Variants in SLC41A1 observed in about 807,000 individuals in gnomAD.
The protein encoded by SLC41A1 is solute carrier family 41 (magnesium transporter), member 1.
A neutral mutation model predicts 47.3 loss-of-function variants in SLC41A1; 20 were observed. That is an observed-to-expected ratio of 0.42 (90% CI 0.30 to 0.61). SLC41A1 has a LOEUF of 0.61. Ranked by LOEUF, SLC41A1 falls within the 20% of genes least tolerant of loss-of-function variation. The pLI, the probability that SLC41A1 is intolerant of heterozygous loss-of-function variation, is 0.17. For missense variants in SLC41A1, 504 were observed against 674.1 expected, an observed-to-expected ratio of 0.75 and a Z score of 2.79; for synonymous variants, 282 against 272.7, an observed-to-expected ratio of 1.03 and a Z score of -0.34.
chr1:205,798,902 G>C, intron 5 of SLC41A1, 55 bp downstream of exon 5: 1 of 1,614,140 alleles, frequency 6.2e-7, no homozygotes, highest in South Asian at 1.1e-5. Flanking sequence ...GAAGTGCCAG[G>C]TGCAGTGTTC....
At chr1:205,795,053 G>A in intron 9 of SLC41A1, 35 bp from the exon 10 acceptor site, 1 of 1,611,006 alleles carries the variant, frequency 6.2e-7, no homozygotes, top group South Asian at 1.1e-5. Flanking sequence ...AAAGAGGAGG[G>A]GAGGAGAAGA....
rs201968897 is a variant in SLC41A1, at chr1:205,810,451, G to C, written c.-10C>G. The C allele has an allele frequency of 1.2e-5, 19 of 1,614,068 alleles. No homozygotes were observed. Among genetic ancestry groups the C allele is most frequent in the Admixed American group, 1.7e-5 (1 of 60,010 alleles). On this transcript the variant is annotated 5_prime_UTR_variant, in exon 2 of 11. Transcript: ENST00000367137. This position sits in a 1 kb window ranked among gnomAD's most constrained non-coding sequence, Gnocchi z 5.5. ...CTGGCTTAGAGGACATGACAGGCACGGAGGAGGGGAAGGGAGAACTTTCCT... is the reference window on the plus strand; with the variant it reads ...CTGGCTTAGAGGACATGACAGGCACCGAGGAGGGGAAGGGAGAACTTTCCT...
chr1:205,809,687 C>T (rs562053495), intron 2 of SLC41A1, among the ~76,000 whole-genome samples: 1 of 152,200 alleles, frequency 6.6e-6, no homozygotes, highest in East Asian at 1.9e-4. Context: ...TCCTTGAAAC[C>T]CCAAATGCAG....
In SLC41A1 at chr1:205,801,033, C is replaced by G; in HGVS notation, c.400G>C (p.Glu134Gln). ...QHWEVFQKVT[E>Q]VFILVPALLG... ...AGCGCAGGCACTAGGATGAAGACCT[C>G]TGTCACCTTCTGGAAGACTTCCCAG... Residue 134 changes from glutamate (E) to glutamine (Q), a missense_variant, in exon 3 of 11, where the codon GAG becomes CAG. Physicochemically the swap from Glu to Gln is conservative, Grantham distance 29. Transcript: ENST00000367137. 1 of 1,614,196 alleles carries G rather than the reference C, an allele frequency of 6.2e-7. No homozygotes were observed. The highest frequency in any genetic ancestry group is 8.5e-7 in the Non-Finnish European group (1 of 1,180,016).
In SLC41A1 at chr1:205,798,826, A is replaced by G; in HGVS notation, c.698-11T>C. 1 of 1,614,168 alleles carries G rather than the reference A, an allele frequency of 6.2e-7. No individual in the cohort carries two copies. On this transcript the variant is annotated splice_polypyrimidine_tract_variant and intron_variant, in intron 5 of 10. Transcript: ENST00000367137. ...CAATCATGATCATACCTGGTGAGCAAGTGGGAGGAGGGGCAGGCAGGGTGA... is the reference window on the plus strand; with the variant it reads ...CAATCATGATCATACCTGGTGAGCAGGTGGGAGGAGGGGCAGGCAGGGTGA...
At chr1:205,808,365 T>A (rs1312539459) in intron 2 of SLC41A1, among the ~76,000 whole-genome samples, 1 of 152,162 alleles carries the variant, frequency 6.6e-6, no homozygotes, top group African/African-American at 2.4e-5. Flanking sequence ...ACCTAATCCC[T>A]CTAAGCTACA....
At position 205,790,833 on chromosome 1, in the gene SLC41A1, C is replaced by T. The variant is rs1655608949; in HGVS notation, c.*700G>A. On this transcript the variant is annotated 3_prime_UTR_variant, in exon 11 of 11. Coordinates refer to ENST00000367137, the MANE Select transcript of SLC41A1 (RefSeq NM_173854.6). Reference sequence around the variant, plus strand: ...GAAGAGTGCACTGTTCCATTTTTTCCTGGATATGACAATCAACTGGAAATG... The same window carrying T: ...GAAGAGTGCACTGTTCCATTTTTTCTTGGATATGACAATCAACTGGAAATG... 6.5e-6 allele frequency: 1 copy of T among 153,634 alleles called. No homozygotes were observed. The highest frequency in any genetic ancestry group is 1.4e-5 in the Non-Finnish European group (1 of 69,082). The allele number at this position is 153,634 out of a possible 1,614,324, so 9.5% of individuals were successfully genotyped here.
At position 205,809,923 on chromosome 1, in the gene SLC41A1, G is replaced by A. The variant is rs889104309; in HGVS notation, c.372+147C>T. The stretch of plus-strand genomic sequence containing the variant: ...CTGTAGAAAGGAACTAGACCAAGAA[G>A]AAACCGAGGACATGATCCAAAGGAA... On this transcript the variant is annotated intron_variant, in intron 2 of 10. Transcript: ENST00000367137. 1.6e-5 allele frequency: 20 copies of A among 1,284,882 alleles called. No individual in the cohort carries two copies. The African/African-American group carries it at 2.8e-4, about 18-fold the overall frequency. The allele number at this position is 1,284,882 out of a possible 1,614,324, so 79.6% of individuals were successfully genotyped here.
At chr1:205,805,184 A>G (rs1655987799) in intron 2 of SLC41A1, among the ~76,000 whole-genome samples, 1 of 152,064 alleles carries the variant, frequency 6.6e-6, no homozygotes, top group African/African-American at 2.4e-5. Flanking sequence ...TGGAACCTCA[A>G]ACGACCTGAC....
intron 2 of SLC41A1, among the ~76,000 whole-genome samples, chr1:205,802,986 T>C (rs976125778): frequency 4.6e-5 from 7 of 152,182 alleles, no homozygotes; most frequent in Admixed American, 2.6e-4. Flanking sequence ...CTGGCAAACA[T>C]AGTGAAACCC....
chr1:205,802,719 A>AAAAATAACATAAAATAAAAT (rs1655914278), intron 2 of SLC41A1, among the ~76,000 whole-genome samples: 7 of 133,354 alleles, frequency 5.2e-5, no homozygotes, highest in African/African-American at 1.9e-4. Context: ...ACTCTGTCTC[A>AAAAATAACATAAAATAAAAT]AAAATAAAAT....
In SLC41A1 at chr1:205,791,627, G is replaced by A; in HGVS notation, c.1448C>T (p.Thr483Ile). ...AGTGCCAAGCAGGTCCCCCAGAGCA[G>A]TCAAGTATGGGATGGAGAAGTTGTC... Reference protein sequence around the residue: ...DPDNFSIPYLTALGDLLGTGL... With the variant: ...DPDNFSIPYLIALGDLLGTGL... Residue 483 changes from threonine to isoleucine, a missense_variant, in exon 11 of 11, where the codon ACT becomes ATT. Thr to Ile is a moderately conservative substitution (Grantham distance 89, BLOSUM62 -1). This residue lies in a region of SLC41A1 where 421 missense variants were observed against 601.6 expected (regional missense o/e 0.70). Coordinates refer to ENST00000367137, the MANE Select transcript of SLC41A1 (RefSeq NM_173854.6). The surrounding 1 kb of genome is among the most constrained non-coding windows in gnomAD (Gnocchi z 4.0). 1 of 1,614,158 alleles carries A rather than the reference G, an allele frequency of 6.2e-7. No individual in the cohort carries two copies. Among genetic ancestry groups the A allele is most frequent in the Non-Finnish European group, 8.5e-7 (1 of 1,180,036 alleles).
Position 205,812,820 on chromosome 1 carries a change from T to C in SLC41A1, c.-659A>G. The C allele has an allele frequency of 1.0e-6, 1 of 977,438 alleles. No homozygotes were observed. The highest frequency in any genetic ancestry group is 1.2e-6 in the Non-Finnish European group (1 of 826,698). 60.5% of individuals were successfully genotyped at this position (977,438 alleles called of 1,614,324 possible). Reference sequence around the variant, plus strand: ...CCACAGGACTGACCTGCCCCTCGCCTGGGAGGAAGGGGGGCGCCTGGCAAG... The same window carrying C: ...CCACAGGACTGACCTGCCCCTCGCCCGGGAGGAAGGGGGGCGCCTGGCAAG... On this transcript the variant is annotated 5_prime_UTR_variant, in exon 1 of 11. Transcript: ENST00000367137.
At chr1:205,799,684 G>T in intron 4 of SLC41A1, 75 bp downstream of exon 4, 1 of 1,503,806 alleles carries the variant, frequency 6.6e-7, no homozygotes, top group Non-Finnish European at 9.2e-7. Flanking sequence ...AGCCTGCTGG[G>T]GCTGACCTAA....
intron 9 of SLC41A1, 79 bp from the exon 10 acceptor site, chr1:205,795,097 G>A: frequency 6.4e-7 from 1 of 1,573,318 alleles, no homozygotes; most frequent in Non-Finnish European, 8.7e-7. Flanking sequence ...AGTCAGGAGG[G>A]ACGGCACCAT....
chr1:205,799,612 G>T, intron 4 of SLC41A1, 147 bp downstream of exon 4: 1 of 878,562 alleles, frequency 1.1e-6, no homozygotes, highest in Non-Finnish European at 1.9e-6. Flanking sequence ...GGGTAACCTA[G>T]TTACCTCCTA....
chr1:205,799,479 T>C (rs1655821198), intron 4 of SLC41A1, among the ~76,000 whole-genome samples: 1 of 152,056 alleles, frequency 6.6e-6, no homozygotes. Context: ...GCACAGGACA[T>C]CTCAGCACTC....
intron 1 of SLC41A1, among the ~76,000 whole-genome samples, chr1:205,811,932 T>C (rs1176357266): frequency 6.6e-6 from 1 of 152,214 alleles, no homozygotes; most frequent in Non-Finnish European, 1.5e-5. Flanking sequence ...AGGCTCCTCC[T>C]GTTCCCCAGG....
chr1:205,793,625 A>G (rs949590020), intron 10 of SLC41A1, among the ~76,000 whole-genome samples: 7 of 152,214 alleles, frequency 4.6e-5, no homozygotes, highest in Non-Finnish European at 7.3e-5. Context: ...TGGCGAAATA[A>G]AATTATGGTC....
Sources: gnomAD v4.1 joint callset for allele counts (sites outside exome capture counted in the v4.1 genomes callset) on GRCh38, gnomAD v4.1.1 for gene constraint, gnomAD v4.1.1 regional missense constraint, Gnocchi (gnomAD v3.1) non-coding constraint, MANE v1.5 for transcripts, NCBI Gene and HGNC (gene_info 2026-07-23, HGNC 2026-07-21) for gene names.